The following WWOX variants were observed in gnomAD, a reference collection of about 807,000 sequenced individuals.
WWOX encodes WW domain-containing oxidoreductase.
Under a neutral mutation model 46.2 loss-of-function variants are expected in WWOX, and 69 were observed. The observed-to-expected ratio is 1.49, with a 90% CI of 1.23 to 1.82. The LOEUF (loss-of-function observed/expected upper bound fraction) is 1.82, where lower values mean the gene tolerates loss of function less well. WWOX is among the 40% of genes most tolerant of loss of function. WWOX has a pLI of 0.00. For missense variants in WWOX, 919 were observed against 542.6 expected (o/e 1.69, Z -6.89); for synonymous variants, 359 against 202.6 (o/e 1.77, Z -6.56).
chr16:79,093,818 G>A (rs2049013676), intron 8 of WWOX, among the ~76,000 whole-genome samples: 1 of 152,146 alleles, frequency 6.6e-6, no homozygotes, highest in African/African-American at 2.4e-5. Flanking sequence ...GACACAGAGT[G>A]ACAGGCCTGA....
At chr16:78,811,234 C>G (rs2142706290) in intron 8 of WWOX, among the ~76,000 whole-genome samples, 1 of 152,308 alleles carries the variant, frequency 6.6e-6, no homozygotes, top group Admixed American at 6.5e-5. Context: ...TGGTCACTCA[C>G]ATACATAGGT....
chr16:78,843,702 T>C (rs756552706), intron 8 of WWOX, among the ~76,000 whole-genome samples: 1 of 152,296 alleles, frequency 6.6e-6, no homozygotes, highest in African/African-American at 2.4e-5. Flanking sequence ...ATGCAAATAA[T>C]GTATCATTAA....
intron 8 of WWOX, among the ~76,000 whole-genome samples, chr16:78,965,787 G>A (rs2046353311): frequency 1.3e-5 from 2 of 152,254 alleles, no homozygotes; most frequent in East Asian, 1.9e-4. Context: ...CCTTCACTCA[G>A]TGATGTTATA....
chr16:78,909,184 G>A (rs746192718), intron 8 of WWOX, among the ~76,000 whole-genome samples: 5 of 152,230 alleles, frequency 3.3e-5, no homozygotes, highest in East Asian at 1.9e-4. Context: ...AATTTTCTCC[G>A]TTATAATTTT....
intron 8 of WWOX, among the ~76,000 whole-genome samples, chr16:78,439,746 A>G (rs1017513431): frequency 6.6e-6 from 1 of 152,224 alleles, no homozygotes; most frequent in African/African-American, 2.4e-5. Flanking sequence ...TTTGCTTCCC[A>G]TGTATCCAGA....
chr16:79,005,893 T>A (rs1203740246), intron 8 of WWOX, among the ~76,000 whole-genome samples: 1 of 152,062 alleles, frequency 6.6e-6, no homozygotes, highest in Admixed American at 6.6e-5. Flanking sequence ...CTTGGTGAAG[T>A]TGCATGAGAA....
At chr16:78,806,611 C>G (rs1467336559) in intron 8 of WWOX, among the ~76,000 whole-genome samples, 1 of 152,074 alleles carries the variant, frequency 6.6e-6, no homozygotes, top group Non-Finnish European at 1.5e-5. Context: ...CCTGAGCTTC[C>G]TCACAATATG....
chr16:79,208,208 G>A (rs751195543), intron 8 of WWOX, among the ~76,000 whole-genome samples: 3 of 152,112 alleles, frequency 2.0e-5, no homozygotes, highest in Non-Finnish European at 4.4e-5. Flanking sequence ...TGACTAGATC[G>A]GAAATGGCAT....
chr16:79,077,328 G>C (rs995815923), intron 8 of WWOX: 1 of 152,092 alleles, frequency 6.6e-6, no homozygotes, highest in East Asian at 1.9e-4. Flanking sequence ...CGTGGAACAG[G>C]GCATGGAAAG....
At chr16:78,510,374 T>G (rs1448231190) in intron 8 of WWOX, among the ~76,000 whole-genome samples, 2 of 152,054 alleles carry the variant, frequency 1.3e-5, no homozygotes, top group Non-Finnish European at 2.9e-5. Flanking sequence ...CACAGCTAAT[T>G]TTTGTATTTT....
At chr16:78,311,782 C>T (rs557229276) in intron 5 of WWOX, among the ~76,000 whole-genome samples, 2 of 100,404 alleles carry the variant, frequency 2.0e-5, no homozygotes, top group African/African-American at 8.8e-5. Context: ...TTTTAAAAAG[C>T]AGCCTGGCGG....
chr16:78,632,580 G>A (rs1226162619), intron 8 of WWOX, among the ~76,000 whole-genome samples: 1 of 6,964 alleles, frequency 1.4e-4, no homozygotes, highest in Admixed American at 1.1e-3. Flanking sequence ...TTTTTTTTTG[G>A]TGGAGTCTCG....
intron 8 of WWOX, among the ~76,000 whole-genome samples, chr16:79,040,450 A>C (rs188238855): frequency 6.6e-6 from 1 of 151,840 alleles, no homozygotes; most frequent in African/African-American, 2.4e-5. Flanking sequence ...ATTGTTTTGC[A>C]TCTTTGGTAG....
intron 8 of WWOX, among the ~76,000 whole-genome samples, chr16:79,138,532 AT>A (rs1449250737): frequency 3.9e-5 from 6 of 152,210 alleles, no homozygotes; most frequent in Admixed American, 3.9e-4. Flanking sequence ...GTTAGAGAAC[AT>A]GGGCCCTGGC....
In WWOX at chr16:79,211,970, T is replaced by C. The variant is rs2051775283; in HGVS notation, c.*174T>C. 6.5e-7 allele frequency: 1 copy of C among 1,533,592 alleles called. No homozygotes were observed. Among genetic ancestry groups the C allele is most frequent in the African/African-American group, 1.4e-5 (1 of 71,388 alleles). The allele number at this position is 1,533,592 out of a possible 1,614,324, so 95.0% of individuals were successfully genotyped here. Reference sequence around the variant, plus strand: ...TAAGTACCAATGGGAAGCAGGGAATTCCTGGGGTAAAGTATCACTTTTCTG... The same window carrying C: ...TAAGTACCAATGGGAAGCAGGGAATCCCTGGGGTAAAGTATCACTTTTCTG... On this transcript the variant is annotated 3_prime_UTR_variant, in exon 9 of 9. Transcript: ENST00000566780.
At chr16:78,920,063 A>T (rs376183244) in intron 8 of WWOX, among the ~76,000 whole-genome samples, 1 of 151,968 alleles carries the variant, frequency 6.6e-6, no homozygotes, top group East Asian at 1.9e-4. Context: ...GTAACAAACG[A>T]CCCCACCATG....
chr16:78,795,906 A>G (rs1032068070), intron 8 of WWOX, among the ~76,000 whole-genome samples: 22 of 152,220 alleles, frequency 1.4e-4, no homozygotes, highest in Admixed American at 1.3e-3. Flanking sequence ...AAACAAAAGT[A>G]TAAGGTTTAA....
Position 78,115,099 on chromosome 16 carries a change from G to T in WWOX, c.354G>T (p.Gln118His), listed in dbSNP as rs1244527340. Residue 118 changes from glutamine (Q) to histidine (H), a missense_variant, in exon 4 of 9, where the codon CAG (glutamine) becomes CAT (histidine). By Grantham distance (24) the Gln-to-His change is conservative. Transcript: ENST00000566780. ...GCACCACTGCCATGGAAATTCTCCA[G>T]GGCCGGGATTTCACTGGCAAAGTGG... is the stretch of plus-strand genomic sequence containing the variant. ...DGSTTAMEIL[Q>H]GRDFTGKVVV... 1.2e-6 allele frequency: 2 copies of T among 1,614,182 alleles called. No homozygotes were observed. Among genetic ancestry groups the T allele is most frequent in the Non-Finnish European group, 1.7e-6 (2 of 1,180,032 alleles).
At chr16:78,661,621 C>T (rs947601365) in intron 8 of WWOX, among the ~76,000 whole-genome samples, 5 of 125,904 alleles carry the variant, frequency 4.0e-5, no homozygotes, top group Non-Finnish European at 7.7e-5. Flanking sequence ...ATAAATGTCT[C>T]TTGGAAGAGA....
Sources: gnomAD v4.1 joint callset for allele counts (sites outside exome capture counted in the v4.1 genomes callset) on GRCh38, gnomAD v4.1.1 for gene constraint, MANE v1.5 for transcripts, NCBI Gene and HGNC (gene_info 2026-07-23, HGNC 2026-07-21) for gene names.